The following SLC51A variants were observed in gnomAD, a reference collection of about 807,000 sequenced individuals.
SLC51A encodes the protein solute carrier family 51 member A, also known as organic solute transporter subunit alpha.
Under a neutral mutation model 34.8 loss-of-function variants are expected in SLC51A, and 22 were observed. That is an observed-to-expected ratio of 0.63 (90% CI 0.45 to 0.90). SLC51A has a LOEUF of 0.90. SLC51A is among the 40% of genes least tolerant of loss of function. The pLI is 0.00. For missense variants in SLC51A, 371 were observed against 414.8 expected (o/e 0.89, Z 0.92); for synonymous variants, 181 against 176.3 (o/e 1.03, Z -0.21).
At chr3:196,233,017 T>C in intron 8 of SLC51A, 46 bp from the exon 9 acceptor site, 1 of 1,593,974 alleles carries the variant, frequency 6.3e-7, no homozygotes, top group Non-Finnish European at 8.6e-7. Context: ...AAATACCACC[T>C]CTGTAACTCA....
At chr3:196,229,829 G>C in intron 6 of SLC51A, 86 bp from the exon 7 acceptor site, 1 of 1,470,102 alleles carries the variant, frequency 6.8e-7, no homozygotes, top group Non-Finnish European at 9.1e-7. Context: ...CTTTCAGCTG[G>C]GTGACAGAGT....
Position 196,228,223 on chromosome 3 carries a change from A to G in SLC51A, c.471A>G (p.Thr157=), listed in dbSNP as rs1723945211. Reference sequence around the variant, plus strand: ...GGGACACCCCGATGATGGTCCACACAGGCCCCTGCTGCTGCTGCTGCCCCT... The same window carrying G: ...GGGACACCCCGATGATGGTCCACACGGGCCCCTGCTGCTGCTGCTGCCCCT... ...TLRDTPMMVH[T]GPCCCCCPCC... is the part of the protein sequence containing the mutation. Residue 157 remains threonine, a synonymous_variant, in exon 5 of 9, where the codon ACA becomes ACG. Transcript: ENST00000296327. This position sits in a 1 kb window ranked among gnomAD's most constrained non-coding sequence, Gnocchi z 4.9. The G allele has an allele frequency of 1.2e-6, 2 of 1,613,720 alleles. No individual in the cohort carries two copies. The highest frequency in any genetic ancestry group is 1.3e-5 in the African/African-American group (1 of 74,948).
At chr3:196,232,925 T>C in intron 8 of SLC51A, 138 bp from the exon 9 acceptor site, 1 of 876,068 alleles carries the variant, frequency 1.1e-6, no homozygotes, top group South Asian at 1.6e-5. Context: ...GTGTTATTTA[T>C]GACAATTTCG....
rs116216921 is a variant in SLC51A at position 196,216,976 on chromosome 3, G to A, written c.38+226G>A. ...CCCCCAGCGTGGGGAGAGAAAGGTC[G>A]CAGAGCGGGGGCTGTGGAAGGCATT... is the stretch of plus-strand genomic sequence containing the variant. On this transcript the variant is annotated intron_variant, in intron 1 of 8. Transcript: ENST00000296327. This position sits in a 1 kb window ranked among gnomAD's most constrained non-coding sequence, Gnocchi z 4.5. 3.9e-5 allele frequency among the ~76,000 whole-genome samples: 6 copies of A among 152,338 alleles called. No homozygotes were observed. The East Asian group carries it at 5.8e-4, about 15-fold the overall frequency.
Position 196,228,638 on chromosome 3 carries a change from G to A in SLC51A, c.522-171G>A. 1.6e-6 allele frequency: 1 copy of A among 631,876 alleles called. No homozygotes were observed. The highest frequency in any genetic ancestry group is 2.7e-5 in the East Asian group (1 of 36,618). The allele number at this position is 631,876 out of a possible 1,614,324, so 39.1% of individuals were successfully genotyped here. ...TGGAGGTGAGTGGGAGACCAAGAGG[G>A]TTCCCAGCACTCTCAACATTCTGCT... is the stretch of plus-strand genomic sequence containing the variant. On this transcript the variant is annotated intron_variant, in intron 5 of 8. Transcript: ENST00000296327. The surrounding 1 kb of genome is among the most constrained non-coding windows in gnomAD (Gnocchi z 4.9).
At chr3:196,232,397 G>T (rs1724046582) in intron 7 of SLC51A, 22 bp from the exon 8 acceptor site, 4 of 1,595,988 alleles carry the variant, frequency 2.5e-6, no homozygotes, top group South Asian at 1.1e-5. Flanking sequence ...GTCCACCCTT[G>T]CCTCTCTTTT....
chr3:196,223,014 C>T (rs1723800006), intron 2 of SLC51A, among the ~76,000 whole-genome samples: 1 of 151,914 alleles, frequency 6.6e-6, no homozygotes, highest in South Asian at 2.1e-4. Context: ...CCACCCTCAC[C>T]TTCATAAATG....
chr3:196,233,328 C>T lies in SLC51A; in HGVS notation c.*129C>T. On this transcript the variant is annotated 3_prime_UTR_variant, in exon 9 of 9. Coordinates refer to ENST00000296327, the MANE Select transcript of SLC51A (RefSeq NM_152672.6). ...CACAAGCTGGCAGATACATTTGACT[C>T]TACAGATGAAGGTGAACAATGTTAG... The T allele has an allele frequency of 9.6e-7, 1 of 1,043,696 alleles. No individual in the cohort carries two copies. Among genetic ancestry groups the T allele is most frequent in the Non-Finnish European group, 1.4e-6 (1 of 715,708 alleles). The allele number at this position is 1,043,696 out of a possible 1,614,324, so 64.7% of individuals were successfully genotyped here.
chr3:196,225,113 A>G (rs1723864182), intron 2 of SLC51A, among the ~76,000 whole-genome samples: 1 of 148,844 alleles, frequency 6.7e-6, no homozygotes, highest in Non-Finnish European at 1.5e-5. Flanking sequence ...AGCTGGGACC[A>G]CAGGCAGGCG....
At position 196,217,807 on chromosome 3, in the gene SLC51A, C is replaced by G. The variant is rs201614329; in HGVS notation, c.39-35C>G. 4.0e-5 allele frequency: 64 copies of G among 1,596,732 alleles called. No homozygotes were observed. The African/African-American group carries it at 7.1e-4, about 18-fold the overall frequency. On this transcript the variant is annotated intron_variant, in intron 1 of 8. Coordinates refer to ENST00000296327, the MANE Select transcript of SLC51A (RefSeq NM_152672.6). ...TGCAACCCTCCCCCTTCCCCCAGCC[C>G]CCATGGTTCTGAGCACAGGCTGGTG...
chr3:196,219,096 G>T (rs574145671), intron 2 of SLC51A, among the ~76,000 whole-genome samples: 8 of 152,174 alleles, frequency 5.3e-5, no homozygotes, highest in South Asian at 4.2e-4. Flanking sequence ...CGTGGTGGCG[G>T]GCACCTGTAA....
Position 196,228,287 on chromosome 3 carries a change from A to G in SLC51A, c.521+14A>G. 1 of 1,605,000 alleles carries G rather than the reference A, an allele frequency of 6.2e-7. No homozygotes were observed. Among genetic ancestry groups the G allele is most frequent in the Non-Finnish European group, 8.5e-7 (1 of 1,177,302 alleles). On this transcript the variant is annotated intron_variant, in intron 5 of 8. Transcript: ENST00000296327. This position sits in a 1 kb window ranked among gnomAD's most constrained non-coding sequence, Gnocchi z 4.9. ...GCTGCTCACCAGGTGAGGCGGGGCCAAGGTGCCTTCCCCAGGAGCCGGGGA... is the reference window on the plus strand; with the variant it reads ...GCTGCTCACCAGGTGAGGCGGGGCCGAGGTGCCTTCCCCAGGAGCCGGGGA...
intron 7 of SLC51A, among the ~76,000 whole-genome samples, chr3:196,231,204 A>G (rs1724022248): frequency 6.6e-6 from 1 of 152,218 alleles, no homozygotes; most frequent in South Asian, 2.1e-4. Flanking sequence ...AAGGCACATA[A>G]GGAACGGGGC....
chr3:196,232,818 T>C (rs1724055657), intron 8 of SLC51A: 6 of 585,006 alleles, frequency 1.0e-5, no homozygotes, highest in South Asian at 8.3e-5. Flanking sequence ...CAGAAGCCCA[T>C]GTTGATTGAA....
At chr3:196,223,546 C>G (rs989870688) in intron 2 of SLC51A, among the ~76,000 whole-genome samples, 2 of 151,712 alleles carry the variant, frequency 1.3e-5, no homozygotes, top group Non-Finnish European at 3.0e-5. Context: ...TTTTTACGCT[C>G]TCCAAGGGCT....
chr3:196,216,700 A>T lies in SLC51A; in HGVS notation c.-13A>T. On this transcript the variant is annotated 5_prime_UTR_variant, in exon 1 of 9. Transcript: ENST00000296327. The surrounding 1 kb of genome is among the most constrained non-coding windows in gnomAD (Gnocchi z 4.5). ...ACCCCGGTGCCTGCGGGATTGCTGG[A>T]GAGAACGCGGCGATGGAGCCGGGCA... 1 of 1,561,380 alleles carries T rather than the reference A, an allele frequency of 6.4e-7. No individual in the cohort carries two copies. Among genetic ancestry groups the T allele is most frequent in the East Asian group, 2.4e-5 (1 of 41,932 alleles).
In SLC51A at chr3:196,232,614, G is replaced by A. The variant is rs1401033884; in HGVS notation, c.886+90G>A. On this transcript the variant is annotated intron_variant, in intron 8 of 8. Coordinates refer to ENST00000296327, the MANE Select transcript of SLC51A (RefSeq NM_152672.6). ...GGGCCCCAGAACAGACATTAGGCCA[G>A]CCTGACTTCTGCTCAGAGTGTTCAG... The A allele has an allele frequency of 8.5e-6, 8 of 942,410 alleles. No homozygotes were observed. In the South Asian group the frequency reaches 1.1e-4, roughly 13 times the overall value. The allele number at this position is 942,410 out of a possible 1,614,324, so 58.4% of individuals were successfully genotyped here. A position where few individuals can be genotyped will look rare whatever the true frequency, so the allele number is the denominator to read the frequency against.
rs181283847 is a variant in SLC51A, at chr3:196,229,760, G to A, written c.634-155G>A. On this transcript the variant is annotated intron_variant, in intron 6 of 8. Coordinates refer to ENST00000296327, the MANE Select transcript of SLC51A (RefSeq NM_152672.6). ...TCCCAGCTACTCAGAAGCCTGAGGC[G>A]AGGGGATCACTGGAGCCAGGAGTGT... The A allele has an allele frequency of 1.1e-4, 80 of 760,528 alleles. 3 individuals are homozygous for A. The South Asian group carries it at 1.6e-3, about 15-fold the overall frequency. 47.1% of individuals were successfully genotyped at this position (760,528 alleles called of 1,614,324 possible). A position where few individuals can be genotyped will look rare whatever the true frequency, so the allele number is the denominator to read the frequency against.
In SLC51A at chr3:196,233,197, T is replaced by C. The variant is rs149604177; in HGVS notation, c.1021T>C (p.Ter341GlnextTer7). Residue 341 changes from the stop codon to glutamine, a stop_lost, in exon 9 of 9, where the codon TAA becomes CAA. Transcript: ENST00000296327. ...SPDLDLNLKA* is the reference protein window; with the variant it reads ...SPDLDLNLKAQ ...AGACCTGGACTTGAACCTCAAAGCC[T>C]AAGGTGGATGGCTTGGACAATGAAA... 335 of 1,614,190 alleles carry C rather than the reference T, an allele frequency of 2.1e-4. No individual in the cohort carries two copies. Among genetic ancestry groups the C allele is most frequent in the Non-Finnish European group, 2.6e-4 (310 of 1,180,020 alleles).
Sources: gnomAD v4.1 joint callset for allele counts (sites outside exome capture counted in the v4.1 genomes callset) on GRCh38, gnomAD v4.1.1 for gene constraint, Gnocchi (gnomAD v3.1) non-coding constraint, MANE v1.5 for transcripts, NCBI Gene and HGNC (gene_info 2026-07-23, HGNC 2026-07-21) for gene names.